The following PLCG2 variants were observed in gnomAD, a reference collection of about 807,000 sequenced individuals.
The protein encoded by PLCG2 is 1-phosphatidylinositol 4,5-bisphosphate phosphodiesterase gamma-2.
In PLCG2, 69 loss-of-function variants were observed where a neutral mutation model predicts 175.6. That is an observed-to-expected ratio of 0.39 (90% confidence interval 0.32 to 0.48). The LOEUF (loss-of-function observed/expected upper bound fraction) is 0.48. PLCG2 is among the 20% of genes least tolerant of loss of function. PLCG2 has a pLI of 0.91. For missense variants in PLCG2, 1,798 were observed against 1,650.9 expected (o/e 1.09, Z -1.54); for synonymous variants, 827 against 624.0 (o/e 1.33, Z -4.85).
chr16:81,849,814 T>C (rs578186700), intron 2 of PLCG2, among the ~76,000 whole-genome samples: 13 of 151,114 alleles, frequency 8.6e-5, no homozygotes, highest in African/African-American at 2.7e-4. Flanking sequence ...AAATTCCCTC[T>C]TGAAGACATT....
chr16:81,916,306 C>T (rs1296234754), intron 19 of PLCG2, among the ~76,000 whole-genome samples: 2 of 142,642 alleles, frequency 1.4e-5, no homozygotes, highest in Non-Finnish European at 1.5e-5. Flanking sequence ...AGAAAAAAAA[C>T]AACGTTTTTT....
intron 2 of PLCG2, among the ~76,000 whole-genome samples, chr16:81,765,968 G>A (rs945887214): frequency 2.0e-5 from 3 of 152,238 alleles, no homozygotes; most frequent in African/African-American, 7.2e-5. Flanking sequence ...GGCATTTGCT[G>A]TGAGTCACAA....
chr16:81,809,419 T>C (rs931517011), intron 2 of PLCG2, among the ~76,000 whole-genome samples: 6 of 152,150 alleles, frequency 3.9e-5, no homozygotes, highest in African/African-American at 1.4e-4. Flanking sequence ...CCAATGGACT[T>C]CGGCTCTATT....
chr16:81,905,613 T>C, intron 15 of PLCG2, 106 bp downstream of exon 15: 4 of 697,940 alleles, frequency 5.7e-6, no homozygotes, highest in South Asian at 3.3e-5. Context: ...TTCCCATTTT[T>C]AGTCAAGTGA....
intron 31 of PLCG2, among the ~76,000 whole-genome samples, chr16:81,946,523 C>T (rs16956064): frequency 0.11 from 16,168 of 152,058 alleles, 928 homozygotes; most frequent in Admixed American, 0.15. Context: ...CTTGTAAGTT[C>T]CCCATAGTTT....
At chr16:81,890,932 G>C (rs1908602093) in intron 10 of PLCG2, among the ~76,000 whole-genome samples, 1 of 152,206 alleles carries the variant, frequency 6.6e-6, no homozygotes, top group Non-Finnish European at 1.5e-5. Context: ...GGAGGCTGAG[G>C]CGGGTGGATC....
intron 9 of PLCG2, 91 bp from the exon 10 acceptor site, chr16:81,889,081 A>G: frequency 2.7e-6 from 2 of 729,104 alleles, no homozygotes; most frequent in Middle Eastern, 2.7e-4. Flanking sequence ...TTGATGTTTC[A>G]GTCTTCGATT....
At chr16:81,789,643 C>A (rs1911138397) in intron 2 of PLCG2, among the ~76,000 whole-genome samples, 1 of 152,118 alleles carries the variant, frequency 6.6e-6, no homozygotes, top group African/African-American at 2.4e-5. Flanking sequence ...CTTCTTTCTC[C>A]CTGGAGAGAC....
intron 2 of PLCG2, among the ~76,000 whole-genome samples, chr16:81,806,200 G>T (rs917133073): frequency 6.6e-6 from 1 of 151,872 alleles, no homozygotes; most frequent in African/African-American, 2.4e-5. Context: ...TGTGGCTAGT[G>T]GCTACCATAT....
At chr16:81,897,544 TTTTC>T (rs1219141445) in intron 13 of PLCG2, among the ~76,000 whole-genome samples, 10 of 110,222 alleles carry the variant, frequency 9.1e-5, no homozygotes, top group African/African-American at 2.8e-4. Flanking sequence ...TTTTCTTTTC[TTTTC>T]TTTTTTTTTT....
intron 2 of PLCG2, chr16:81,767,411 C>T (rs1403635553): frequency 1.3e-5 from 2 of 152,158 alleles, no homozygotes; most frequent in African/African-American, 4.8e-5. Context: ...TACCAAAGTG[C>T]TGGAATTACA....
intron 2 of PLCG2, among the ~76,000 whole-genome samples, chr16:81,806,507 G>A (rs1027414663): frequency 2.0e-5 from 3 of 152,070 alleles, no homozygotes; most frequent in African/African-American, 7.2e-5. Flanking sequence ...ACCTTTCTTG[G>A]GGGTTGCTTT....
chr16:81,776,493 G>T (rs1166166928), upstream of PLCG2, among the ~76,000 whole-genome samples: 4 of 152,070 alleles, frequency 2.6e-5, no homozygotes, highest in Admixed American at 6.5e-5. Context: ...ATTATCCTTG[G>T]GAAAAGAAGT....
In PLCG2 at chr16:81,959,129, G is replaced by A. The variant is rs1011916232; in HGVS notation, c.*1131G>A. On this transcript the variant is annotated 3_prime_UTR_variant, in exon 33 of 33. Coordinates refer to ENST00000564138, the MANE Select transcript of PLCG2 (RefSeq NM_002661.5). ...GGAGAGTGCTGGGTTGGGAAGGGAG[G>A]TGGTTGGTAGAGTCACAACTTCTCA... is the stretch of plus-strand genomic sequence containing the variant. The A allele has an allele frequency of 5.4e-5, 12 of 223,872 alleles. No homozygotes were observed. Among genetic ancestry groups the A allele is most frequent in the African/African-American group, 2.5e-4 (11 of 44,830 alleles). 13.9% of individuals were successfully genotyped at this position (223,872 alleles called of 1,614,324 possible). A position where few individuals can be genotyped will look rare whatever the true frequency, so the allele number is the denominator to read the frequency against.
intron 31 of PLCG2, among the ~76,000 whole-genome samples, chr16:81,956,075 G>C (rs1166266811): frequency 6.6e-6 from 1 of 152,102 alleles, no homozygotes; most frequent in Non-Finnish European, 1.5e-5. Flanking sequence ...CCATCCCCCA[G>C]ACCCCGGTGA....
chr16:81,864,823 G>T (rs950628094), intron 5 of PLCG2, among the ~76,000 whole-genome samples: 1 of 152,168 alleles, frequency 6.6e-6, no homozygotes, highest in South Asian at 2.1e-4. Context: ...AACCCTGGGG[G>T]CCTCCCGGGC....
In PLCG2 at chr16:81,959,981, C is replaced by T. The variant is rs746716687; in HGVS notation, c.*1983C>T. ...CCATATCAAAGAACCTGACATATGG[C>T]GGCATAGGAAGCAGAAGCTAAGCCT... On this transcript the variant is annotated 3_prime_UTR_variant, in exon 33 of 33. Transcript: ENST00000564138. The T allele has an allele frequency of 1.9e-5, 4 of 207,982 alleles. No homozygotes were observed. The highest frequency in any genetic ancestry group is 3.9e-5 in the Non-Finnish European group (4 of 102,184). 12.9% of individuals were successfully genotyped at this position (207,982 alleles called of 1,614,324 possible).
intron 32 of PLCG2, among the ~76,000 whole-genome samples, chr16:81,957,467 C>G (rs1238660977): frequency 2.6e-5 from 4 of 152,184 alleles, no homozygotes; most frequent in African/African-American, 9.6e-5. Context: ...AAATGATGAC[C>G]ACTGACTTTT....
At position 81,945,724 on chromosome 16, in the gene PLCG2, CAG is replaced by C. The variant is rs1911124437; in HGVS notation, c.3482-449_3482-448del. 2.0e-5 allele frequency among the ~76,000 whole-genome samples: 3 copies of C among 152,132 alleles called. No homozygotes were observed. The South Asian group carries it at 6.2e-4, about 32-fold the overall frequency. On this transcript the variant is annotated intron_variant, in intron 30 of 32. Transcript: ENST00000564138. Reference sequence around the variant, plus strand: ...AATACTGCTATGAACTACTAAGGGACAGAAAGATTTCCTCCCATTGGAAATCT... The same window carrying C: ...AATACTGCTATGAACTACTAAGGGACAAAGATTTCCTCCCATTGGAAATCT...
Sources: gnomAD v4.1 joint callset for allele counts (sites outside exome capture counted in the v4.1 genomes callset) on GRCh38, gnomAD v4.1.1 for gene constraint, MANE v1.5 for transcripts, NCBI Gene and HGNC (gene_info 2026-07-23, HGNC 2026-07-21) for gene names.